Variants in KAT6A observed in about 807,000 individuals in gnomAD.
The protein encoded by KAT6A is lysine acetyltransferase 6A.
A neutral mutation model predicts 198.4 loss-of-function variants in KAT6A; 9 were observed. The ratio of observed to expected loss-of-function variants is 0.05; its 90% CI spans 0.03 to 0.08. The LOEUF is 0.08. Among genes scored for constraint, KAT6A ranks in the 10% least tolerant of loss-of-function variants. KAT6A has a pLI of 1.00. For missense variants in KAT6A, 2,077 were observed against 2,509.9 expected (o/e 0.83, Z 3.69); for synonymous variants, 890 against 883.0 (o/e 1.01, Z -0.14).
At chr8:42,041,142 C>T (rs961251101) in intron 2 of KAT6A, among the ~76,000 whole-genome samples, 3 of 147,296 alleles carry the variant, frequency 2.0e-5, no homozygotes, top group African/African-American at 7.6e-5. Context: ...TTGCAGTGAG[C>T]CAAGGTTGCG....
At position 41,982,333 on chromosome 8, in the gene KAT6A, C is replaced by T. The variant is rs571142952; in HGVS notation, c.710-379G>A. Reference sequence around the variant, plus strand: ...ATGCATTACTGAATATACAAAAAAGCTGTTTACACTGATAACATCCTAGAA... The same window carrying T: ...ATGCATTACTGAATATACAAAAAAGTTGTTTACACTGATAACATCCTAGAA... On this transcript the variant is annotated intron_variant, in intron 3 of 16. Coordinates refer to ENST00000265713, the MANE Select transcript of KAT6A (RefSeq NM_006766.5). Among the ~76,000 whole-genome samples, 18 of 152,078 alleles carry T rather than the reference C, an allele frequency of 1.2e-4. No homozygotes were observed. The South Asian group carries it at 3.5e-3, about 30-fold the overall frequency.
intron 2 of KAT6A, among the ~76,000 whole-genome samples, chr8:42,001,992 T>G (rs1197756818): frequency 6.6e-6 from 1 of 151,402 alleles, no homozygotes; most frequent in East Asian, 2.0e-4. Context: ...ACTAAAATTT[T>G]TATAATAAAA....
chr8:42,038,716 C>A (rs1312341421), intron 2 of KAT6A, among the ~76,000 whole-genome samples: 1 of 152,202 alleles, frequency 6.6e-6, no homozygotes, highest in Non-Finnish European at 1.5e-5. Context: ...ACATTCTACA[C>A]AATGCAGAAG....
At chr8:42,006,794 G>A (rs954842138) in intron 2 of KAT6A, among the ~76,000 whole-genome samples, 39 of 151,970 alleles carry the variant, frequency 2.6e-4, no homozygotes, top group African/African-American at 8.7e-4. Context: ...TCAGGAGTTC[G>A]AGACCAGACT....
chr8:42,045,738 C>T (rs955597775), intron 2 of KAT6A, among the ~76,000 whole-genome samples: 1 of 149,880 alleles, frequency 6.7e-6, no homozygotes, highest in South Asian at 2.1e-4. Context: ...TTTGAGAGAC[C>T]GAGGTGGGCA....
In KAT6A at chr8:42,051,886, C is replaced by T. The variant is rs1397465844; in HGVS notation, c.-326+15G>A. On this transcript the variant is annotated intron_variant, in intron 1 of 16. Transcript: ENST00000265713. Reference sequence around the variant, plus strand: ...GCGGCCGGGGGCGGCCGGGAACGGCCCCTCGGCTACTTACCGGGAGGAAGG... The same window carrying T: ...GCGGCCGGGGGCGGCCGGGAACGGCTCCTCGGCTACTTACCGGGAGGAAGG... The T allele has an allele frequency of 1.3e-5, 2 of 149,716 alleles. No individual in the cohort carries two copies. Among genetic ancestry groups the T allele is most frequent in the African/African-American group, 2.4e-5 (1 of 40,982 alleles). 9.3% of individuals were successfully genotyped at this position (149,716 alleles called of 1,614,324 possible). A position where few individuals can be genotyped will look rare whatever the true frequency, so the allele number is the denominator to read the frequency against.
chr8:42,034,940 G>A (rs1345390166), intron 2 of KAT6A, among the ~76,000 whole-genome samples: 1 of 152,176 alleles, frequency 6.6e-6, no homozygotes, highest in African/African-American at 2.4e-5. Context: ...TCCCAGTGTG[G>A]GATAGAAAGC....
chr8:41,949,324 A>G lies in KAT6A; in HGVS notation c.1638T>C (p.Tyr546=), dbSNP rs769453596. The part of the protein sequence containing the change: ...KLYLCEFCLK[Y]MKSRTILQQH... ...GCTGCAGAATAGTTCTACTTTTCAT[A>G]TATTTTAGACAAAATTCACAAAGAT... The change falls in exon 10 of 17, where the codon TAT becomes TAC. Residue 546 remains tyrosine, a synonymous_variant. Transcript: ENST00000265713. The G allele has an allele frequency of 6.4e-7, 1 of 1,568,892 alleles. No homozygotes were observed. The highest frequency in any genetic ancestry group is 1.4e-5 in the African/African-American group (1 of 72,266).
intron 2 of KAT6A, among the ~76,000 whole-genome samples, chr8:41,993,965 G>T (rs1393369483): frequency 6.6e-6 from 1 of 152,148 alleles, no homozygotes; most frequent in African/African-American, 2.4e-5. Flanking sequence ...AGGAAAAATA[G>T]AAGAGATATT....
chr8:42,022,268 G>A (rs1166407709), intron 2 of KAT6A, among the ~76,000 whole-genome samples: 1 of 151,960 alleles, frequency 6.6e-6, no homozygotes. Flanking sequence ...GTAAAATACT[G>A]TACGTAAAAA....
chr8:42,012,544 CAAG>C (rs1158793413), intron 2 of KAT6A, among the ~76,000 whole-genome samples: 5 of 152,092 alleles, frequency 3.3e-5, no homozygotes, highest in Non-Finnish European at 5.9e-5. Flanking sequence ...GACCACAAGC[CAAG>C]AAATGCCAAG....
intron 16 of KAT6A, 113 bp from the exon 17 acceptor site, chr8:41,934,980 T>C: frequency 5.9e-6 from 5 of 849,698 alleles, no homozygotes; most frequent in Non-Finnish European, 9.2e-6. Flanking sequence ...ATTACTTTTA[T>C]AAACTCCTGA....
chr8:41,965,444 A>G (rs1332975042), intron 8 of KAT6A, among the ~76,000 whole-genome samples: 1 of 152,208 alleles, frequency 6.6e-6, no homozygotes, highest in African/African-American at 2.4e-5. Context: ...TCTAAGCTGT[A>G]TCTATGCCCT....
At chr8:41,957,037 G>A (rs778578285) in intron 8 of KAT6A, 1 of 578,814 alleles carries the variant, frequency 1.7e-6, no homozygotes. Flanking sequence ...CCCAAAAGCT[G>A]AAGTCATGCA....
chr8:42,043,196 T>G (rs969435300), intron 2 of KAT6A, among the ~76,000 whole-genome samples: 11 of 152,200 alleles, frequency 7.2e-5, no homozygotes, highest in Non-Finnish European at 1.5e-4. Context: ...TTCAAATGTT[T>G]GCTAAATAAA....
chr8:42,016,743 G>T (rs889925936), intron 2 of KAT6A, among the ~76,000 whole-genome samples: 1 of 151,902 alleles, frequency 6.6e-6, no homozygotes, highest in Non-Finnish European at 1.5e-5. Flanking sequence ...TTTCTCCAAG[G>T]GTAGCACTTA....
chr8:41,954,008 CCA>C lies in KAT6A; in HGVS notation c.1598+1286_1598+1287del, dbSNP rs532880830. On this transcript the variant is annotated intron_variant, in intron 9 of 16. Transcript: ENST00000265713. ...AACAGTGTGCTTCCTTAAAGATACA[CCA>C]CAGTGTTTGGGGCTAACTGATCCCA... Among the ~76,000 whole-genome samples the C allele has an allele frequency of 4.4e-3, 676 of 152,230 alleles. 4 individuals are homozygous for C. The highest frequency in any genetic ancestry group is 6.9e-3 in the Admixed American group (106 of 15,298).
chr8:41,946,529 C>CACACACACACACAT lies in KAT6A; in HGVS notation c.1996+61_1996+62insATGTGTGTGTGTGT, dbSNP rs1554682545. 973 of 682,410 alleles carry CACACACACACACAT rather than the reference C, an allele frequency of 1.4e-3. 49 individuals carry two copies. The highest frequency in any genetic ancestry group is 0.013 in the African/African-American group (670 of 51,246). 42.3% of individuals were successfully genotyped at this position (682,410 alleles called of 1,614,324 possible). ...ACACACACACACACACACACACACA[C>CACACACACACACAT]ACACACACACACAGAGAAGGTCCAC... On this transcript the variant is annotated intron_variant, in intron 12 of 16. Transcript: ENST00000265713.
At chr8:42,039,184 C>T (rs1827517845) in intron 2 of KAT6A, among the ~76,000 whole-genome samples, 1 of 152,164 alleles carries the variant, frequency 6.6e-6, no homozygotes, top group South Asian at 2.1e-4. Context: ...CTAATTCATT[C>T]GCTGCAGATC....
Sources: allele counts gnomAD v4.1 joint callset (sites outside exome capture counted in the v4.1 genomes callset), GRCh38; gene constraint gnomAD v4.1.1; transcripts MANE v1.5; gene names NCBI Gene and HGNC (gene_info 2026-07-23, HGNC 2026-07-21).